PHACTR2: variants seen among roughly 807,000 people sequenced by gnomAD.
PHACTR2 encodes the protein phosphatase and actin regulator 2.
In PHACTR2, 30 loss-of-function variants were observed where a neutral mutation model predicts 76.0. That is an observed-to-expected ratio of 0.39 (90% CI 0.30 to 0.54). PHACTR2 has a LOEUF of 0.54. PHACTR2 is among the 20% of genes least tolerant of loss of function. PHACTR2 has a pLI of 0.61. For missense variants in PHACTR2, 696 were observed against 781.1 expected (o/e 0.89, Z 1.30); for synonymous variants, 292 against 292.5 (o/e 1.00, Z 0.02).
chr6:143,670,212 G>T (rs189032392), intron 1 of PHACTR2, among the ~76,000 whole-genome samples: 1 of 152,186 alleles, frequency 6.6e-6, no homozygotes, highest in Non-Finnish European at 1.5e-5. Flanking sequence ...AGAGAGATCC[G>T]CTGTTAGTCT....
intron 2 of PHACTR2, among the ~76,000 whole-genome samples, chr6:143,734,402 G>A (rs1481008889): frequency 6.6e-6 from 1 of 152,186 alleles, no homozygotes; most frequent in Non-Finnish European, 1.5e-5. Context: ...TCCAAGCCGA[G>A]CTCTGGATTT....
At chr6:143,628,976 T>C (rs1469017540) in intron 1 of PHACTR2, among the ~76,000 whole-genome samples, 1 of 117,392 alleles carries the variant, frequency 8.5e-6, no homozygotes. Context: ...TATATATATA[T>C]ATACTGCAAA....
rs935053214 is a variant in PHACTR2, at chr6:143,652,713, G to A, written c.13+44391G>A. 2.0e-5 allele frequency among the ~76,000 whole-genome samples: 3 copies of A among 152,240 alleles called. No homozygotes were observed. Among genetic ancestry groups the A allele is most frequent in the African/African-American group, 7.2e-5 (3 of 41,470 alleles). On this transcript the variant is annotated intron_variant, in intron 1 of 11. Transcript: ENST00000305766. This position sits in a 1 kb window ranked among gnomAD's most constrained non-coding sequence, Gnocchi z 4.5. The stretch of plus-strand genomic sequence containing the variant: ...GGCAAGAAGAGCTGAGATTTCACCA[G>A]AAACAGTGACATTCACACCCAGGGG...
intron 1 of PHACTR2, among the ~76,000 whole-genome samples, chr6:143,542,693 TTTTAGC>T (rs1760146080): frequency 6.6e-6 from 1 of 152,212 alleles, no homozygotes; most frequent in South Asian, 2.1e-4. Flanking sequence ...CTCTGTTTCC[TTTTAGC>T]TCTTGCCTTG....
At chr6:143,749,197 G>A (rs1231963995) in intron 3 of PHACTR2, 132 bp downstream of exon 3, 26 of 597,710 alleles carry the variant, frequency 4.3e-5, no homozygotes, top group Non-Finnish European at 6.9e-5. Flanking sequence ...TCCAAGCGCC[G>A]TGCTTCCATT....
intron 1 of PHACTR2, among the ~76,000 whole-genome samples, chr6:143,600,155 A>G (rs1337402952): frequency 1.3e-5 from 2 of 152,208 alleles, no homozygotes; most frequent in South Asian, 4.1e-4. Flanking sequence ...GGAACTTGCT[A>G]TGTTATTAGG....
chr6:143,728,545 A>G (rs969219276), intron 2 of PHACTR2, among the ~76,000 whole-genome samples: 1 of 152,184 alleles, frequency 6.6e-6, no homozygotes, highest in Non-Finnish European at 1.5e-5. Flanking sequence ...CTGAGCAAAA[A>G]GAAGAAAGCT....
chr6:143,564,196 CATATATATATATATAT>C (rs59017997), intron 1 of PHACTR2, among the ~76,000 whole-genome samples: 5 of 40,286 alleles, frequency 1.2e-4, no homozygotes, highest in African/African-American at 2.8e-4. Context: ...TGTGTGTGTG[CATATATATATATATAT>C]ATATATATAT....
chr6:143,543,595 C>T lies in PHACTR2; in HGVS notation c.217+6388C>T, dbSNP rs1165063638. Among the ~76,000 whole-genome samples, 1 of 152,156 alleles carries T rather than the reference C, an allele frequency of 6.6e-6. No homozygotes were observed. Among genetic ancestry groups the T allele is most frequent in the African/African-American group, 2.4e-5 (1 of 41,434 alleles). On this transcript the variant is annotated intron_variant, in intron 1 of 11. Coordinates refer to the PHACTR2 transcript ENST00000367584. This position sits in a 1 kb window ranked among gnomAD's most constrained non-coding sequence, Gnocchi z 4.7. ...GGCTATCTCTATGCAAAAGGAGGAACTGAAAGATGGAGTTGGGTTGGGGAG... is the reference window on the plus strand; with the variant it reads ...GGCTATCTCTATGCAAAAGGAGGAATTGAAAGATGGAGTTGGGTTGGGGAG...
At chr6:143,604,533 T>C (rs924678336), upstream of PHACTR2, among the ~76,000 whole-genome samples, 1 of 152,194 alleles carries the variant, frequency 6.6e-6, no homozygotes, top group African/African-American at 2.4e-5. Flanking sequence ...TGCCACCTAT[T>C]GCCATCAGTT....
chr6:143,810,100 A>G (rs2328517), intron 12 of PHACTR2, among the ~76,000 whole-genome samples: 148,363 of 152,182 alleles, frequency 0.97, 72,331 homozygotes, highest in East Asian at 1. Flanking sequence ...AACAGAAAGA[A>G]ATCCTGTCTC....
Position 143,748,970 on chromosome 6 carries a change from T to C in PHACTR2, c.215-15T>C, listed in dbSNP as rs771727858. The C allele has an allele frequency of 2.2e-6, 3 of 1,346,522 alleles. No individual in the cohort carries two copies. The highest frequency in any genetic ancestry group is 1.8e-5 in the Admixed American group (1 of 56,830). 83.4% of individuals were successfully genotyped at this position (1,346,522 alleles called of 1,614,324 possible). A position where few individuals can be genotyped will look rare whatever the true frequency, so the allele number is the denominator to read the frequency against. On this transcript the variant is annotated splice_polypyrimidine_tract_variant and intron_variant, in intron 2 of 12. Transcript: ENST00000440869. ...GAATGACTTGATTCTTACTTGTGCT[T>C]GTTCTTTTTAAAAGTATTAGAAAGG... is the stretch of plus-strand genomic sequence containing the variant.
intron 1 of PHACTR2, among the ~76,000 whole-genome samples, chr6:143,540,348 C>T (rs1350968834): frequency 2.0e-5 from 3 of 152,082 alleles, no homozygotes; most frequent in African/African-American, 7.2e-5. Flanking sequence ...AGAACAGCCT[C>T]CCTCCAGAAC....
chr6:143,548,938 TAAG>T lies in PHACTR2; in HGVS notation c.217+11734_217+11736del, dbSNP rs1003056915. ...GGCATGTTCCTAGGGAACAACAAGATAAGAATAGGAAGGATGATGGAAATCATT... is the reference window on the plus strand; with the variant it reads ...GGCATGTTCCTAGGGAACAACAAGATAATAGGAAGGATGATGGAAATCATT... On this transcript the variant is annotated intron_variant, in intron 1 of 11. Coordinates refer to the PHACTR2 transcript ENST00000367584. This position sits in a 1 kb window ranked among gnomAD's most constrained non-coding sequence, Gnocchi z 4.5. 3.3e-5 allele frequency among the ~76,000 whole-genome samples: 5 copies of T among 151,618 alleles called. No homozygotes were observed. The highest frequency in any genetic ancestry group is 9.7e-5 in the African/African-American group (4 of 41,272).
At chr6:143,729,165 CT>C (rs1288205016) in intron 2 of PHACTR2, among the ~76,000 whole-genome samples, 2 of 151,968 alleles carry the variant, frequency 1.3e-5, no homozygotes, top group Non-Finnish European at 2.9e-5. Context: ...CTATTCAGGT[CT>C]TTTGCCTGTT....
chr6:143,707,230 CTTAG>C (rs1183786965), intron 1 of PHACTR2, among the ~76,000 whole-genome samples: 1 of 152,134 alleles, frequency 6.6e-6, no homozygotes, highest in Non-Finnish European at 1.5e-5. Flanking sequence ...GTTTGATATC[CTTAG>C]TGTTTTAACT....
Position 143,767,246 on chromosome 6 carries a change from A to C in PHACTR2, c.1232+1448A>C, listed in dbSNP as rs576380503. On this transcript the variant is annotated intron_variant, in intron 6 of 12. Coordinates refer to ENST00000440869, the MANE Select transcript of PHACTR2 (RefSeq NM_001100164.2). The surrounding 1 kb of genome is among the most constrained non-coding windows in gnomAD (Gnocchi z 4.4). ...AGAGAGCTAAAATAGTTTGCACCAG[A>C]CTGCCCAGTTGGTGGTGGTGAAGCC... is the stretch of plus-strand genomic sequence containing the variant. 6.6e-6 allele frequency among the ~76,000 whole-genome samples: 1 copy of C among 152,202 alleles called. No individual in the cohort carries two copies. Among genetic ancestry groups the C allele is most frequent in the South Asian group, 2.1e-4 (1 of 4,834 alleles).
rs915204566 is a variant in PHACTR2, at chr6:143,616,779, C to T, written c.13+8457C>T. On this transcript the variant is annotated intron_variant, in intron 1 of 11. Coordinates refer to the PHACTR2 transcript ENST00000305766. This position sits in a 1 kb window ranked among gnomAD's most constrained non-coding sequence, Gnocchi z 4.9. Reference sequence around the variant, plus strand: ...GTTGGGGTGGAGGCTACGCCAGACTCGGTAGTCAGAGAAAGCTTCCTAAGG... The same window carrying T: ...GTTGGGGTGGAGGCTACGCCAGACTTGGTAGTCAGAGAAAGCTTCCTAAGG... 2.6e-5 allele frequency among the ~76,000 whole-genome samples: 4 copies of T among 152,230 alleles called. No homozygotes were observed. Among genetic ancestry groups the T allele is most frequent in the Middle Eastern group, 3.4e-3 (1 of 294 alleles).
chr6:143,769,297 A>G (rs1775036808), intron 6 of PHACTR2, among the ~76,000 whole-genome samples: 1 of 152,186 alleles, frequency 6.6e-6, no homozygotes, highest in Admixed American at 6.5e-5. Context: ...GCTACTTTGT[A>G]CAGTTCATTT....
Sources: allele counts gnomAD v4.1 joint callset (sites outside exome capture counted in the v4.1 genomes callset), GRCh38; gene constraint gnomAD v4.1.1; non-coding constraint Gnocchi (gnomAD v3.1); transcripts MANE v1.5; gene names NCBI Gene and HGNC (gene_info 2026-07-23, HGNC 2026-07-21).